TPX2: variants seen among roughly 807,000 people sequenced by gnomAD.
The protein encoded by TPX2 is targeting protein for Xklp2.
In TPX2, 21 loss-of-function variants were observed where a neutral mutation model predicts 93.6. The ratio of observed to expected loss-of-function variants is 0.22; its 90% CI spans 0.16 to 0.32. The LOEUF (loss-of-function observed/expected upper bound fraction) is 0.32. Among genes scored for constraint, TPX2 ranks in the 10% least tolerant of loss-of-function variants. The pLI is 1.00. For synonymous variants in TPX2, 281 were observed against 298.3 expected (o/e 0.94, Z 0.60); for missense variants, 776 against 871.1 (o/e 0.89, Z 1.37).
intron 12 of TPX2, among the ~76,000 whole-genome samples, chr20:31,789,804 T>C (rs1364567518): frequency 6.6e-6 from 1 of 152,202 alleles, no homozygotes; most frequent in Non-Finnish European, 1.5e-5. Flanking sequence ...CACTCATACA[T>C]ATCTCCTTCA....
chr20:31,791,267 A>G (rs1446472696), intron 12 of TPX2, among the ~76,000 whole-genome samples: 1 of 152,154 alleles, frequency 6.6e-6, no homozygotes, highest in Non-Finnish European at 1.5e-5. Flanking sequence ...TAGGTAAGCA[A>G]TAGGAGCCAT....
intron 2 of TPX2, among the ~76,000 whole-genome samples, chr20:31,750,451 G>GCTAT (rs2061812121): frequency 7.0e-6 from 1 of 142,462 alleles, no homozygotes; most frequent in South Asian, 2.2e-4. Flanking sequence ...ACCGTGCCCG[G>GCTAT]CTATTTATTT....
intron 10 of TPX2, among the ~76,000 whole-genome samples, chr20:31,781,253 CT>C (rs1007150417): frequency 2.5e-3 from 297 of 116,762 alleles, no homozygotes; most frequent in African/African-American, 6.4e-3. Flanking sequence ...GGCCTTATAT[CT>C]TTTTTTTTTT....
At chr20:31,786,126 A>G (rs1600388251) in intron 12 of TPX2, among the ~76,000 whole-genome samples, 1 of 152,138 alleles carries the variant, frequency 6.6e-6, no homozygotes, top group Admixed American at 6.6e-5. Context: ...CAACAACCCT[A>G]TGAGGTAAGC....
intron 10 of TPX2, among the ~76,000 whole-genome samples, chr20:31,779,448 T>C (rs1255568557): frequency 6.6e-6 from 1 of 152,214 alleles, no homozygotes; most frequent in Non-Finnish European, 1.5e-5. Context: ...CAACATCAGG[T>C]TTCTAATTCA....
At chr20:31,779,567 G>A (rs991009712) in intron 10 of TPX2, among the ~76,000 whole-genome samples, 7 of 152,186 alleles carry the variant, frequency 4.6e-5, no homozygotes, top group Non-Finnish European at 8.8e-5. Context: ...TTCTTAAACT[G>A]TCATTAGATA....
chr20:31,794,649 GT>G, intron 15 of TPX2, 101 bp downstream of exon 15: 1 of 1,413,450 alleles, frequency 7.1e-7, no homozygotes, highest in East Asian at 2.3e-5. Flanking sequence ...ATGCTACATT[GT>G]TTCAGGGGCT....
At chr20:31,782,994 C>G (rs1453750455) in intron 11 of TPX2, among the ~76,000 whole-genome samples, 1 of 151,948 alleles carries the variant, frequency 6.6e-6, no homozygotes, top group Non-Finnish European at 1.5e-5. Flanking sequence ...GGAATGCCCT[C>G]TAAGGTTAAG....
chr20:31,773,262 C>G (rs1013555339), intron 7 of TPX2, among the ~76,000 whole-genome samples: 6 of 149,608 alleles, frequency 4.0e-5, no homozygotes, highest in African/African-American at 1.5e-4. Flanking sequence ...AGCAATTCTT[C>G]TGCCTCAGTC....
chr20:31,798,592 T>C, intron 17 of TPX2, 40 bp downstream of exon 17: 2 of 1,542,348 alleles, frequency 1.3e-6, no homozygotes, highest in Non-Finnish European at 1.7e-6. Flanking sequence ...CAAACATGCC[T>C]CTGTTTTATT....
intron 17 of TPX2, 93 bp downstream of exon 17, chr20:31,798,645 C>A: frequency 7.2e-7 from 1 of 1,396,456 alleles, no homozygotes; most frequent in Non-Finnish European, 9.5e-7. Flanking sequence ...CTAAGGTAGC[C>A]CGCAAGGCTG....
chr20:31,774,242 CT>C (rs1268636654), intron 7 of TPX2, among the ~76,000 whole-genome samples: 1 of 152,178 alleles, frequency 6.6e-6, no homozygotes, highest in Non-Finnish European at 1.5e-5. Context: ...AAAGAAAAAT[CT>C]TTTTCCTCTT....
At chr20:31,754,284 T>A (rs992422053) in intron 2 of TPX2, among the ~76,000 whole-genome samples, 1 of 152,002 alleles carries the variant, frequency 6.6e-6, no homozygotes, top group Non-Finnish European at 1.5e-5. Flanking sequence ...TTTCACCATG[T>A]TGGCCAGGCT....
At chr20:31,763,812 G>T (rs1054241785) in intron 4 of TPX2, among the ~76,000 whole-genome samples, 2 of 150,308 alleles carry the variant, frequency 1.3e-5, no homozygotes, top group African/African-American at 4.9e-5. Context: ...AAGGTCAGGA[G>T]TTCGAGACCA....
intron 12 of TPX2, among the ~76,000 whole-genome samples, chr20:31,788,540 A>T (rs1425689600): frequency 1.3e-5 from 2 of 151,532 alleles, no homozygotes; most frequent in African/African-American, 4.9e-5. Flanking sequence ...TTCCCCATCC[A>T]CGTCCCCCCC....
intron 4 of TPX2, among the ~76,000 whole-genome samples, chr20:31,760,585 G>C (rs910065863): frequency 1.3e-5 from 2 of 151,996 alleles, no homozygotes; most frequent in African/African-American, 4.8e-5. Context: ...TTGACCTCCG[G>C]GCTTCAAGTG....
intron 12 of TPX2, among the ~76,000 whole-genome samples, chr20:31,789,070 A>G (rs1258611382): frequency 6.6e-6 from 1 of 152,096 alleles, no homozygotes; most frequent in Non-Finnish European, 1.5e-5. Flanking sequence ...ACATTGCCCC[A>G]TTCTAACCAC....
chr20:31,774,313 C>G (rs1206490379), intron 7 of TPX2, among the ~76,000 whole-genome samples: 2 of 152,172 alleles, frequency 1.3e-5, no homozygotes, highest in East Asian at 3.8e-4. Context: ...CCCCCAGCAT[C>G]AAATTATTTT....
chr20:31,761,390 C>T (rs572400806), intron 4 of TPX2, among the ~76,000 whole-genome samples: 23 of 152,002 alleles, frequency 1.5e-4, no homozygotes, highest in Non-Finnish European at 3.2e-4. Context: ...TTAGTAGAGA[C>T]AGGGTTTCAC....
Sources: allele counts gnomAD v4.1 joint callset (sites outside exome capture counted in the v4.1 genomes callset), GRCh38; gene constraint gnomAD v4.1.1; transcripts MANE v1.5; gene names NCBI Gene and HGNC (gene_info 2026-07-23, HGNC 2026-07-21).